FAM53B: variants seen among roughly 807,000 people sequenced by gnomAD.
The protein encoded by FAM53B is protein FAM53B.
A neutral mutation model predicts 32.7 loss-of-function variants in FAM53B; 12 were observed. The observed-to-expected ratio is 0.37, with a 90% CI of 0.24 to 0.59. The LOEUF (loss-of-function observed/expected upper bound fraction) is 0.59, where lower values mean the gene tolerates loss of function less well. Among genes scored for constraint, FAM53B ranks in the 20% least tolerant of loss-of-function variants. FAM53B has a pLI of 0.72. For synonymous variants in FAM53B, 234 were observed against 228.7 expected (o/e 1.02, Z -0.21); for missense variants, 477 against 577.7 (o/e 0.83, Z 1.79).
rs1429253982 is a variant in FAM53B at position 124,733,488 on chromosome 10, G to A, written c.-175+10525C>T. ...GGGCACCGAAGCTCCCTCTTCCATC[G>A]CACCAACACGGTTAGGTGCCTGTTT... On this transcript the variant is annotated intron_variant, in intron 1 of 4. Coordinates refer to ENST00000337318, the MANE Select transcript of FAM53B (RefSeq NM_014661.4). This position sits in a 1 kb window ranked among gnomAD's most constrained non-coding sequence, Gnocchi z 4.3. Among the ~76,000 whole-genome samples the A allele has an allele frequency of 2.0e-5, 3 of 152,028 alleles. No individual in the cohort carries two copies. Among genetic ancestry groups the A allele is most frequent in the African/African-American group, 7.3e-5 (3 of 41,354 alleles).
Position 124,621,819 on chromosome 10 carries a change from A to G in FAM53B, c.*1423T>C, listed in dbSNP as rs1257455057. 1 of 152,308 alleles carries G rather than the reference A, an allele frequency of 6.6e-6. No homozygotes were observed. Among genetic ancestry groups the G allele is most frequent in the Non-Finnish European group, 1.5e-5 (1 of 68,052 alleles). The allele number at this position is 152,308 out of a possible 1,614,324, so 9.4% of individuals were successfully genotyped here. On this transcript the variant is annotated 3_prime_UTR_variant, in exon 5 of 5. Transcript: ENST00000337318. ...ACGCGCGTGTCAGCCAACACAAGGG[A>G]GCGCACCAGTTATTTTTAGCCTTAT...
rs569568932 is a variant in FAM53B, at chr10:124,697,775, C to G, written c.79-1563G>C. ...GAAGGGGAACGGGGCAGTCCTCCTA[C>G]AGGTTGCCCTCCTCAGTTTAAAATG... is the stretch of plus-strand genomic sequence containing the variant. On this transcript the variant is annotated intron_variant, in intron 2 of 4. Transcript: ENST00000337318. Among the ~76,000 whole-genome samples, 113 of 152,230 alleles carry G rather than the reference C, an allele frequency of 7.4e-4. 3 individuals carry two copies. In the South Asian group the frequency reaches 0.023, roughly 30 times the overall value.
At position 124,620,358 on chromosome 10, in the gene FAM53B, C is replaced by CG. The variant is rs1465287458; in HGVS notation, c.*2883_*2884insC. 5.6e-5 allele frequency: 8 copies of CG among 142,540 alleles called. 1 individual carries two copies. The South Asian group carries it at 1.5e-3, about 27-fold the overall frequency. 8.8% of individuals were successfully genotyped at this position (142,540 alleles called of 1,614,324 possible). ...AGTGGGGTGCATGTGGCACTAAGCCCCCCCCACCGCCCCGGCTTTCCTGCA... is the reference window on the plus strand; with the variant it reads ...AGTGGGGTGCATGTGGCACTAAGCCCGCCCCCACCGCCCCGGCTTTCCTGCA... On this transcript the variant is annotated 3_prime_UTR_variant, in exon 5 of 5. Coordinates refer to ENST00000337318, the MANE Select transcript of FAM53B (RefSeq NM_014661.4).
At chr10:124,712,722 G>C (rs1346826997) in intron 1 of FAM53B, among the ~76,000 whole-genome samples, 1 of 152,184 alleles carries the variant, frequency 6.6e-6, no homozygotes, top group Admixed American at 6.5e-5. Context: ...GGAGGGCTAG[G>C]TGAGGGTCTC....
Position 124,623,031 on chromosome 10 carries a change from A to C in FAM53B, c.*211T>G. ...GACCTGGTGGCTGCCACGCTCGGGG[A>C]GCCGGTGAGAGGCTGACACACCCGC... On this transcript the variant is annotated 3_prime_UTR_variant, in exon 5 of 5. Transcript: ENST00000337318. 1.7e-6 allele frequency: 1 copy of C among 581,568 alleles called. No individual in the cohort carries two copies. Among genetic ancestry groups the C allele is most frequent in the Admixed American group, 3.5e-5 (1 of 28,894 alleles). 36.0% of individuals were successfully genotyped at this position (581,568 alleles called of 1,614,324 possible). A position where few individuals can be genotyped will look rare whatever the true frequency, so the allele number is the denominator to read the frequency against.
intron 4 of FAM53B, among the ~76,000 whole-genome samples, chr10:124,642,143 G>A (rs1949479713): frequency 6.6e-6 from 1 of 152,246 alleles, no homozygotes; most frequent in South Asian, 2.1e-4. Context: ...GCAGTCAGTG[G>A]CTGTGCCGGG....
At chr10:124,656,135 G>A (rs1949587782) in intron 4 of FAM53B, among the ~76,000 whole-genome samples, 2 of 152,242 alleles carry the variant, frequency 1.3e-5, no homozygotes, top group African/African-American at 4.8e-5. Context: ...TCCTTTATGA[G>A]TACAAAGGAA....
intron 4 of FAM53B, among the ~76,000 whole-genome samples, chr10:124,654,434 G>A (rs944373427): frequency 6.6e-6 from 1 of 152,272 alleles, no homozygotes; most frequent in African/African-American, 2.4e-5. Flanking sequence ...TGGGAAGGAA[G>A]AGCGCTCCCA....
intron 4 of FAM53B, among the ~76,000 whole-genome samples, chr10:124,636,133 C>T (rs1051947241): frequency 1.3e-5 from 2 of 152,170 alleles, no homozygotes; most frequent in Non-Finnish European, 2.9e-5. Flanking sequence ...GCAGAGCACA[C>T]ACTAAGTTAG....
intron 1 of FAM53B, among the ~76,000 whole-genome samples, chr10:124,738,093 C>G (rs923522432): frequency 1.4e-5 from 1 of 73,692 alleles, no homozygotes; most frequent in African/African-American, 5.8e-5. Context: ...TGCCACTTCA[C>G]CAAGACAGAG....
intron 4 of FAM53B, among the ~76,000 whole-genome samples, chr10:124,625,047 T>C (rs542871801): frequency 1.3e-5 from 2 of 152,344 alleles, no homozygotes; most frequent in South Asian, 2.1e-4. Context: ...GCCGCACGCC[T>C]GCTGACGCCA....
chr10:124,725,204 C>A (rs6597851), intron 1 of FAM53B, among the ~76,000 whole-genome samples: 51,165 of 152,050 alleles, frequency 0.34, 8,881 homozygotes, highest in South Asian at 0.41. Context: ...AACTAAAACC[C>A]CCAAATGAGA....
intron 4 of FAM53B, chr10:124,667,362 TC>T: frequency 1.3e-6 from 1 of 754,526 alleles, no homozygotes; most frequent in Non-Finnish European, 2.5e-6. Flanking sequence ...GACTGCTTCC[TC>T]TAAGACTCAG....
chr10:124,690,353 C>T (rs1366685060), intron 3 of FAM53B, among the ~76,000 whole-genome samples: 1 of 152,240 alleles, frequency 6.6e-6, no homozygotes, highest in Non-Finnish European at 1.5e-5. Flanking sequence ...CCCCCATGGA[C>T]ACACATCCAG....
intron 4 of FAM53B, among the ~76,000 whole-genome samples, chr10:124,641,993 A>C (rs1949477960): frequency 6.6e-6 from 1 of 152,200 alleles, no homozygotes; most frequent in African/African-American, 2.4e-5. Flanking sequence ...CCAGCTGGAG[A>C]GCCGGAAGCC....
At chr10:124,679,384 T>C (rs1249832100) in intron 4 of FAM53B, among the ~76,000 whole-genome samples, 2 of 152,154 alleles carry the variant, frequency 1.3e-5, no homozygotes, top group Non-Finnish European at 2.9e-5. Flanking sequence ...CTCATCAGGT[T>C]CCCACGCACA....
intron 2 of FAM53B, among the ~76,000 whole-genome samples, chr10:124,698,409 C>T (rs1444661907): frequency 6.6e-6 from 1 of 152,110 alleles, no homozygotes; most frequent in Non-Finnish European, 1.5e-5. Flanking sequence ...ACAGTGCTTG[C>T]TGGCCGCCTC....
intron 1 of FAM53B, among the ~76,000 whole-genome samples, chr10:124,738,636 A>G (rs138684616): frequency 6.6e-6 from 1 of 152,004 alleles, no homozygotes; most frequent in Non-Finnish European, 1.5e-5. Flanking sequence ...GCCGCTGCCC[A>G]GCCCTGGCTG....
rs796172520 is a variant in FAM53B, at chr10:124,631,301, G to A, written c.907-7697C>T. On this transcript the variant is annotated intron_variant, in intron 4 of 4. Coordinates refer to ENST00000337318, the MANE Select transcript of FAM53B (RefSeq NM_014661.4). ...CTAAGGAAAATTACCTATGGCCTCC[G>A]GAGGCTGAAGGAGTGGGGGAAGGAG... Among the ~76,000 whole-genome samples the A allele has an allele frequency of 7.4e-4, 112 of 152,310 alleles. 1 individual carries two copies. The highest frequency in any genetic ancestry group is 2.5e-3 in the African/African-American group (104 of 41,576).
Sources: allele counts gnomAD v4.1 joint callset (sites outside exome capture counted in the v4.1 genomes callset), GRCh38; gene constraint gnomAD v4.1.1; non-coding constraint Gnocchi (gnomAD v3.1); transcripts MANE v1.5; gene names NCBI Gene and HGNC (gene_info 2026-07-23, HGNC 2026-07-21).